RAB8B: variants seen among roughly 807,000 people sequenced by gnomAD.
RAB8B encodes RAB8B, member RAS oncogene family, also known as ras-related protein Rab-8B.
In RAB8B, 11 loss-of-function variants were observed where a neutral mutation model predicts 32.0. That is an observed-to-expected ratio of 0.34 (90% CI 0.22 to 0.57). RAB8B has a LOEUF of 0.57. Among genes scored for constraint, RAB8B ranks in the 20% least tolerant of loss-of-function variants. The pLI, the probability that RAB8B is intolerant of heterozygous loss-of-function variation, is 0.86. For missense variants in RAB8B, 190 were observed against 258.5 expected (o/e 0.73, Z 1.82); for synonymous variants, 103 against 89.6 (o/e 1.15, Z -0.85).
At chr15:63,242,139 A>T (rs1204953776) in intron 1 of RAB8B, among the ~76,000 whole-genome samples, 5 of 151,534 alleles carry the variant, frequency 3.3e-5, no homozygotes, top group Admixed American at 3.3e-4. Flanking sequence ...GTGAGGGGAA[A>T]TAATGGTTGA....
Position 63,264,019 on chromosome 15 carries a change from G to A in RAB8B, c.*400G>A, listed in dbSNP as rs1272237112. The stretch of plus-strand genomic sequence containing the variant: ...ATTTGTACATGTGGCAATGTTAAAA[G>A]AGCATTTACAGCAGAGGTTAATATA... On this transcript the variant is annotated 3_prime_UTR_variant, in exon 8 of 8. Coordinates refer to ENST00000321437, the MANE Select transcript of RAB8B (RefSeq NM_016530.3). The A allele has an allele frequency of 1.9e-5, 3 of 161,724 alleles. No homozygotes were observed. The highest frequency in any genetic ancestry group is 1.3e-4 in the Admixed American group (2 of 15,952). The allele number at this position is 161,724 out of a possible 1,614,324, so 10.0% of individuals were successfully genotyped here. A position where few individuals can be genotyped will look rare whatever the true frequency, so the allele number is the denominator to read the frequency against.
chr15:63,227,563 A>C (rs949715916), intron 1 of RAB8B, among the ~76,000 whole-genome samples: 1 of 152,214 alleles, frequency 6.6e-6, no homozygotes, highest in African/African-American at 2.4e-5. Flanking sequence ...GTTGATGTTC[A>C]ATTTTGTTTT....
At chr15:63,217,170 G>T (rs760668079) in intron 1 of RAB8B, among the ~76,000 whole-genome samples, 45 of 152,232 alleles carry the variant, frequency 3.0e-4, no homozygotes, top group Admixed American at 1.5e-3. Flanking sequence ...CAGATAAAAG[G>T]AATTCAAATG....
At chr15:63,219,295 CAAAA>C (rs552403928) in intron 1 of RAB8B, among the ~76,000 whole-genome samples, 4 of 88,790 alleles carry the variant, frequency 4.5e-5, no homozygotes, top group African/African-American at 8.4e-5. Context: ...AGACTCCCAT[CAAAA>C]AAAAAAAAAA....
At chr15:63,215,969 T>C (rs58314914) in intron 1 of RAB8B, among the ~76,000 whole-genome samples, 57,799 of 151,562 alleles carry the variant, frequency 0.38, 12,425 homozygotes, top group Non-Finnish European at 0.5. Context: ...ACCCAGGAGG[T>C]TGAGGCTGCA....
At chr15:63,252,429 T>C (rs2038123880) in intron 3 of RAB8B, among the ~76,000 whole-genome samples, 1 of 152,224 alleles carries the variant, frequency 6.6e-6, no homozygotes, top group African/African-American at 2.4e-5. Flanking sequence ...TCCCATTTAA[T>C]ATGTGGTGGA....
At chr15:63,221,142 C>G (rs1388046851) in intron 1 of RAB8B, among the ~76,000 whole-genome samples, 2 of 152,004 alleles carry the variant, frequency 1.3e-5, no homozygotes, top group Non-Finnish European at 2.9e-5. Flanking sequence ...ATGGGGAGAT[C>G]TTGAAAAATG....
chr15:63,261,089 A>T (rs2038199744), intron 6 of RAB8B, among the ~76,000 whole-genome samples: 1 of 152,240 alleles, frequency 6.6e-6, no homozygotes, highest in African/African-American at 2.4e-5. Flanking sequence ...ATCAGAAATA[A>T]TCCAAGTTAA....
rs1453199493 is a variant in RAB8B, at chr15:63,259,698, A to G, written c.480+6A>G. The G allele has an allele frequency of 6.2e-7, 1 of 1,612,924 alleles. No homozygotes were observed. The highest frequency in any genetic ancestry group is 8.5e-7 in the Non-Finnish European group (1 of 1,179,000). On this transcript the variant is annotated splice_donor_region_variant and intron_variant, in intron 6 of 7. Coordinates refer to ENST00000321437, the MANE Select transcript of RAB8B (RefSeq NM_016530.3). This position sits in a 1 kb window ranked among gnomAD's most constrained non-coding sequence, Gnocchi z 4.4. Reference sequence around the variant, plus strand: ...CCAGTGCAAATGTAGAAGAGGTAAGAAGGAAACGTTTGGTGACTGTTACGG... The same window carrying G: ...CCAGTGCAAATGTAGAAGAGGTAAGGAGGAAACGTTTGGTGACTGTTACGG...
intron 1 of RAB8B, among the ~76,000 whole-genome samples, chr15:63,205,631 A>G (rs1288026582): frequency 6.6e-6 from 1 of 152,180 alleles, no homozygotes; most frequent in Non-Finnish European, 1.5e-5. Flanking sequence ...GAAGTGACAC[A>G]TTTTATTTCT....
At chr15:63,255,762 G>C (rs1016197124) in intron 4 of RAB8B, among the ~76,000 whole-genome samples, 178 bp downstream of exon 4, 1 of 152,222 alleles carries the variant, frequency 6.6e-6, no homozygotes, top group Non-Finnish European at 1.5e-5. Flanking sequence ...CTGGGGGTTA[G>C]GGGGACAGAG....
intron 6 of RAB8B, among the ~76,000 whole-genome samples, chr15:63,260,681 TA>T (rs76537130): frequency 6.7e-4 from 97 of 144,902 alleles, no homozygotes; most frequent in Admixed American, 7.5e-4. Context: ...ACTTAAAGTG[TA>T]AAAAAAAAAA....
intron 1 of RAB8B, among the ~76,000 whole-genome samples, chr15:63,237,738 T>G (rs975383444): frequency 6.6e-6 from 1 of 152,204 alleles, no homozygotes; most frequent in Non-Finnish European, 1.5e-5. Flanking sequence ...TTTAACTTGA[T>G]GTGATCCTGT....
chr15:63,267,164 A>T lies in RAB8B; in HGVS notation c.*3545A>T, dbSNP rs1260822875. The T allele has an allele frequency of 6.6e-6, 1 of 152,584 alleles. No individual in the cohort carries two copies. The highest frequency in any genetic ancestry group is 1.5e-5 in the Non-Finnish European group (1 of 68,034). 9.5% of individuals were successfully genotyped at this position (152,584 alleles called of 1,614,324 possible). On this transcript the variant is annotated 3_prime_UTR_variant, in exon 8 of 8. Transcript: ENST00000321437. Reference sequence around the variant, plus strand: ...TAAAATAATTTCAAATTCTAGCACAATTTTAGAGTAGAATAAGTCATTTTT... The same window carrying T: ...TAAAATAATTTCAAATTCTAGCACATTTTTAGAGTAGAATAAGTCATTTTT...
intron 1 of RAB8B, among the ~76,000 whole-genome samples, chr15:63,194,957 A>G (rs1423836684): frequency 1.3e-5 from 2 of 152,254 alleles, no homozygotes; most frequent in African/African-American, 4.8e-5. Context: ...GGTTGGTAGC[A>G]TTTCAAAGCT....
At position 63,210,500 on chromosome 15, in the gene RAB8B, T is replaced by A. The variant is rs144964190; in HGVS notation, c.124+20752T>A. Among the ~76,000 whole-genome samples, 38 of 152,366 alleles carry A rather than the reference T, an allele frequency of 2.5e-4. 1 individual carries two copies. In the East Asian group the frequency reaches 7.1e-3, roughly 29 times the overall value. ...GCAAACCTGGGTAAGAGATAGGTAG[T>A]GCCACAGCTAGGCTTCCTGCTGTCT... On this transcript the variant is annotated intron_variant, in intron 1 of 7. Coordinates refer to ENST00000321437, the MANE Select transcript of RAB8B (RefSeq NM_016530.3).
chr15:63,195,576 T>G (rs2037593277), intron 1 of RAB8B, among the ~76,000 whole-genome samples: 1 of 152,170 alleles, frequency 6.6e-6, no homozygotes, highest in African/African-American at 2.4e-5. Flanking sequence ...AAAGAAAAAT[T>G]TAGCAGTATA....
intron 1 of RAB8B, among the ~76,000 whole-genome samples, chr15:63,238,393 G>A (rs941284125): frequency 1.3e-5 from 2 of 152,064 alleles, no homozygotes; most frequent in African/African-American, 2.4e-5. Flanking sequence ...AGCAGCTGTG[G>A]TCACAGTTCA....
intron 1 of RAB8B, among the ~76,000 whole-genome samples, chr15:63,190,520 G>A (rs184360069): frequency 1.3e-5 from 2 of 152,104 alleles, no homozygotes. Flanking sequence ...AGAGGAAATG[G>A]AAAGTAGTGG....
Sources: gnomAD v4.1 joint callset for allele counts (sites outside exome capture counted in the v4.1 genomes callset) on GRCh38, gnomAD v4.1.1 for gene constraint, Gnocchi (gnomAD v3.1) non-coding constraint, MANE v1.5 for transcripts, NCBI Gene and HGNC (gene_info 2026-07-23, HGNC 2026-07-21) for gene names.